FAT3: variants seen among roughly 807,000 people sequenced by gnomAD.
The protein encoded by FAT3 is FAT atypical cadherin 3.
Under a neutral mutation model 310.2 loss-of-function variants are expected in FAT3, and 95 were observed. That is an observed-to-expected ratio of 0.31 (90% confidence interval 0.26 to 0.36). FAT3 has a LOEUF of 0.36. Among genes scored for constraint, FAT3 ranks in the 10% least tolerant of loss-of-function variants. FAT3 has a pLI of 1.00. For synonymous variants in FAT3, 2,314 were observed against 2,192.9 expected (o/e 1.06, Z -1.54); for missense variants, 5,408 against 5,715.6 (o/e 0.95, Z 1.74).
chr11:92,669,226 C>T (rs1591587529), intron 3 of FAT3, among the ~76,000 whole-genome samples: 1 of 152,198 alleles, frequency 6.6e-6, no homozygotes, highest in Non-Finnish European at 1.5e-5. Context: ...AGAATTAATT[C>T]TTTCACCCTT....
intron 2 of FAT3, among the ~76,000 whole-genome samples, chr11:92,365,524 C>G (rs1948995071): frequency 6.6e-6 from 1 of 152,130 alleles, no homozygotes; most frequent in Non-Finnish European, 1.5e-5. Context: ...TATCATGCAC[C>G]TGTTCTCTGT....
At chr11:92,750,735 T>TTTTGG (rs1251012348) in intron 4 of FAT3, among the ~76,000 whole-genome samples, 11 of 152,236 alleles carry the variant, frequency 7.2e-5, no homozygotes, top group Non-Finnish European at 1.0e-4. Context: ...CGTGACTCCA[T>TTTTGG]TTTGGTTTGG....
chr11:92,484,530 T>G lies in FAT3; in HGVS notation c.3293-40104T>G, dbSNP rs1952319723. ...ATGATGAAAAACTACTTCAGAACAA[T>G]GGAATATAGCCTTCATTAGGCCTCC... On this transcript the variant is annotated intron_variant, in intron 2 of 27. Coordinates refer to ENST00000525166, the MANE Select transcript of FAT3 (RefSeq NM_001367949.2). Among the ~76,000 whole-genome samples, 4 of 152,240 alleles carry G rather than the reference T, an allele frequency of 2.6e-5. No individual in the cohort carries two copies. In the South Asian group the frequency reaches 8.3e-4, roughly 32 times the overall value.
chr11:92,486,686 T>G (rs1428342057), intron 2 of FAT3, among the ~76,000 whole-genome samples: 1 of 152,194 alleles, frequency 6.6e-6, no homozygotes, highest in Non-Finnish European at 1.5e-5. Context: ...TTCTCTATTG[T>G]ATCTTCCACT....
At chr11:92,421,985 G>A (rs1309970582) in intron 2 of FAT3, among the ~76,000 whole-genome samples, 4 of 152,168 alleles carry the variant, frequency 2.6e-5, no homozygotes, top group Admixed American at 2.0e-4. Context: ...AGTTGCGAAC[G>A]CAGGTCTGAC....
At chr11:92,466,436 G>A (rs1951761822) in intron 2 of FAT3, among the ~76,000 whole-genome samples, 1 of 151,982 alleles carries the variant, frequency 6.6e-6, no homozygotes, top group African/African-American at 2.4e-5. Context: ...AGTTATTAGA[G>A]TTTTATGTCT....
chr11:92,275,527 G>C (rs1946247288), intron 1 of FAT3, among the ~76,000 whole-genome samples: 1 of 151,748 alleles, frequency 6.6e-6, no homozygotes, highest in Non-Finnish European at 1.5e-5. Context: ...CCCTCCCCCA[G>C]CTTTTCTGGA....
chr11:92,813,883 G>A (rs1214893896), intron 13 of FAT3, among the ~76,000 whole-genome samples: 1 of 152,168 alleles, frequency 6.6e-6, no homozygotes, highest in Non-Finnish European at 1.5e-5. Flanking sequence ...TCTGAAATTT[G>A]TGTCCCTCTA....
At chr11:92,391,448 T>C (rs1243874166) in intron 2 of FAT3, among the ~76,000 whole-genome samples, 1 of 152,214 alleles carries the variant, frequency 6.6e-6, no homozygotes, top group African/African-American at 2.4e-5. Flanking sequence ...CCCTAAGCCT[T>C]GGCCCCAATG....
At position 92,800,396 on chromosome 11, in the gene FAT3, G is replaced by A; in HGVS notation, c.7383G>A (p.Met2461Ile). 1 of 1,613,986 alleles carries A rather than the reference G, an allele frequency of 6.2e-7. No individual in the cohort carries two copies. Among genetic ancestry groups the A allele is most frequent in the South Asian group, 1.1e-5 (1 of 91,082 alleles). The change falls in exon 10 of 28, where the codon ATG becomes ATA. Residue 2461 changes from methionine (M) to isoleucine (I), a missense_variant. By Grantham distance (10) the Met-to-Ile change is conservative. This residue lies in a region of FAT3 where 4,588 missense variants were observed against 4,809.8 expected (regional missense o/e 0.95). Coordinates refer to ENST00000525166, the MANE Select transcript of FAT3 (RefSeq NM_001367949.2). ...TGTCCAACCATCGGAAGCAGCGGAT[G>A]GAGCCTCTGTACAGTCTCAATGTGT... is the stretch of plus-strand genomic sequence containing the variant. Reference protein sequence around the residue: ...ITLSNHRKQRMEPLYSLNVSV... With the variant: ...ITLSNHRKQRIEPLYSLNVSV...
At chr11:92,462,452 T>C (rs952240647) in intron 2 of FAT3, among the ~76,000 whole-genome samples, 1 of 152,202 alleles carries the variant, frequency 6.6e-6, no homozygotes, top group African/African-American at 2.4e-5. Context: ...GTTAATTTGC[T>C]TAGGATAATG....
chr11:92,726,563 A>C (rs1487391818), intron 4 of FAT3, among the ~76,000 whole-genome samples: 1 of 152,160 alleles, frequency 6.6e-6, no homozygotes, highest in South Asian at 2.1e-4. Context: ...CAGAAGATGG[A>C]AAGATACTCA....
chr11:92,498,223 C>T, intron 2 of FAT3: 1 of 178,106 alleles, frequency 5.6e-6, no homozygotes, highest in South Asian at 1.3e-4. Flanking sequence ...GTAGCTTTTC[C>T]AGAACTTCTG....
chr11:92,836,423 G>T, intron 15 of FAT3, 143 bp from the exon 16 acceptor site: 3 of 799,552 alleles, frequency 3.8e-6, no homozygotes, highest in South Asian at 4.8e-5. Context: ...CTTCTGCTGG[G>T]GGCGTGGTCA....
chr11:92,805,335 C>G lies in FAT3; in HGVS notation c.9079C>G (p.Pro3027Ala), dbSNP rs756621130. 6.2e-7 allele frequency: 1 copy of G among 1,613,184 alleles called. No individual in the cohort carries two copies. The highest frequency in any genetic ancestry group is 1.7e-5 in the Admixed American group (1 of 59,944). The change falls in exon 11 of 28, where the codon CCA becomes GCA. Residue 3027 changes from proline to alanine, a missense_variant. Pro to Ala is a conservative substitution (Grantham distance 27). Coordinates refer to ENST00000525166, the MANE Select transcript of FAT3 (RefSeq NM_001367949.2). Reference sequence around the variant, plus strand: ...CGTCAGTGATGTGAATGACAATAGCCCAGTGTGTGATCAGGTGAGATTTGG... The same window carrying G: ...CGTCAGTGATGTGAATGACAATAGCGCAGTGTGTGATCAGGTGAGATTTGG... ...VSVSDVNDNS[P>A]VCDQVAYTAL...
At chr11:92,390,029 A>T (rs1308659251) in intron 2 of FAT3, among the ~76,000 whole-genome samples, 4 of 150,194 alleles carry the variant, frequency 2.7e-5, no homozygotes, top group Non-Finnish European at 5.9e-5. Flanking sequence ...TTTTTTTTTT[A>T]AACTTTCAAA....
In FAT3 at chr11:92,882,721, C is replaced by T. The variant is rs372319495; in HGVS notation, c.12282-17C>T. 1 of 1,578,784 alleles carries T rather than the reference C, an allele frequency of 6.3e-7. No individual in the cohort carries two copies. The highest frequency in any genetic ancestry group is 8.6e-7 in the Non-Finnish European group (1 of 1,160,916). The stretch of plus-strand genomic sequence containing the variant: ...CACTGGTCCTGACGGTGGGGAGGGG[C>T]TTCTGTGTCGCCGCAGGTGTGAGGA... On this transcript the variant is annotated splice_polypyrimidine_tract_variant and intron_variant, in intron 23 of 27. Transcript: ENST00000525166.
At chr11:92,262,799 G>C (rs909914117) in intron 1 of FAT3, among the ~76,000 whole-genome samples, 1 of 152,110 alleles carries the variant, frequency 6.6e-6, no homozygotes, top group Admixed American at 6.6e-5. Flanking sequence ...CAATGCCCAT[G>C]TGTCTGAATT....
intron 13 of FAT3, among the ~76,000 whole-genome samples, chr11:92,822,013 A>T (rs1565625286): frequency 6.7e-6 from 1 of 150,030 alleles, no homozygotes; most frequent in African/African-American, 2.4e-5. Context: ...AGAGCTGGAC[A>T]TTTTTTTTTT....
Sources: allele counts gnomAD v4.1 joint callset (sites outside exome capture counted in the v4.1 genomes callset), GRCh38; gene constraint gnomAD v4.1.1; regional missense constraint gnomAD v4.1.1; transcripts MANE v1.5; gene names NCBI Gene and HGNC (gene_info 2026-07-23, HGNC 2026-07-21).